MYT1: variants seen among roughly 807,000 people sequenced by gnomAD.
MYT1 encodes the protein myelin transcription factor 1.
A neutral mutation model predicts 123.0 loss-of-function variants in MYT1; 23 were observed. The ratio of observed to expected loss-of-function variants is 0.19; its 90% CI spans 0.13 to 0.26. The LOEUF is 0.26. Among genes scored for constraint, MYT1 ranks in the 10% least tolerant of loss-of-function variants. MYT1 has a pLI of 1.00. For synonymous variants in MYT1, 518 were observed against 575.3 expected, an observed-to-expected ratio of 0.90 and a Z score of 1.43; for missense variants, 1,125 against 1,472.5, an observed-to-expected ratio of 0.76 and a Z score of 3.86.
intron 2 of MYT1, among the ~76,000 whole-genome samples, chr20:64,194,743 G>A (rs971354660): frequency 2.6e-5 from 4 of 152,174 alleles, no homozygotes; most frequent in African/African-American, 7.2e-5. Flanking sequence ...GTGGGGAGAC[G>A]CAGCCTCTGG....
Position 64,218,775 on chromosome 20 carries a change from C to T in MYT1, c.1847-136C>T. 8.9e-7 allele frequency: 1 copy of T among 1,128,152 alleles called. No homozygotes were observed. Among genetic ancestry groups the T allele is most frequent in the Admixed American group, 1.7e-5 (1 of 57,784 alleles). 69.9% of individuals were successfully genotyped at this position (1,128,152 alleles called of 1,614,324 possible). A position where few individuals can be genotyped will look rare whatever the true frequency, so the allele number is the denominator to read the frequency against. ...TGCCCCCTCCCCACTGACTTGTCTG[C>T]ATTGCTGCCTCTTTTCAAGTTGTAT... On this transcript the variant is annotated intron_variant, in intron 11 of 22. Coordinates refer to ENST00000328439, the MANE Select transcript of MYT1 (RefSeq NM_004535.3). This position sits in a 1 kb window ranked among gnomAD's most constrained non-coding sequence, Gnocchi z 4.0.
At chr20:64,219,644 T>A in intron 12 of MYT1, 69 bp from the exon 13 acceptor site, 1 of 1,380,258 alleles carries the variant, frequency 7.2e-7, no homozygotes, top group Non-Finnish European at 1.0e-6. Flanking sequence ...TACGTTTGAT[T>A]CAAATGGACC....
At chr20:64,205,918 G>C in intron 6 of MYT1, 118 bp downstream of exon 6, 1 of 1,474,824 alleles carries the variant, frequency 6.8e-7, no homozygotes, top group East Asian at 2.4e-5. Flanking sequence ...CTGAGAACAA[G>C]GCATGTCTTG....
chr20:64,197,453 C>G (rs1983156293), intron 2 of MYT1, among the ~76,000 whole-genome samples: 1 of 152,318 alleles, frequency 6.6e-6, no homozygotes, highest in Non-Finnish European at 1.5e-5. Flanking sequence ...CTACTTCTTT[C>G]CACTCCCCTG....
Position 64,207,999 on chromosome 20 carries a change from AAGAG to A in MYT1, c.804_807del (p.Glu269ArgfsTer42), listed in dbSNP as rs753734752. ...GAGGACGAGGAGGAGGAGGAGGAGGAAGAGGAGGAGGAGGAGGATGAAGAAGAGG... is the reference window on the plus strand; with the variant it reads ...GAGGACGAGGAGGAGGAGGAGGAGGAGAGGAGGAGGAGGATGAAGAAGAGG... On this transcript the variant is annotated frameshift_variant, in exon 7 of 23. Transcript: ENST00000328439. LOFTEE classifies it high-confidence loss of function. 14 of 1,594,614 alleles carry A rather than the reference AAGAG, an allele frequency of 8.8e-6. No homozygotes were observed. Among genetic ancestry groups the A allele is most frequent in the South Asian group, 4.5e-5 (4 of 88,084 alleles).
rs1009210373 is a variant in MYT1 at position 64,186,258 on chromosome 20, A to C, written c.-98-3805A>C. ...GTGCAAAGATGCCGGGTCCCTAGAG[A>C]GGGGTCCCAGCCAGCGCCGCCCTCT... On this transcript the variant is annotated intron_variant, in intron 1 of 22. Coordinates refer to ENST00000328439, the MANE Select transcript of MYT1 (RefSeq NM_004535.3). The surrounding 1 kb of genome is among the most constrained non-coding windows in gnomAD (Gnocchi z 4.3). Among the ~76,000 whole-genome samples, 10 of 152,094 alleles carry C rather than the reference A, an allele frequency of 6.6e-5. No homozygotes were observed. Among genetic ancestry groups the C allele is most frequent in the Non-Finnish European group, 1.5e-4 (10 of 67,998 alleles).
At chr20:64,223,069 ACACAC>A in intron 14 of MYT1, 37 bp from the exon 15 acceptor site, 1 of 1,611,664 alleles carries the variant, frequency 6.2e-7, no homozygotes, top group Non-Finnish European at 8.5e-7. Context: ...GGGGGCAGGT[ACACAC>A]CACTCTCCGG....
intron 19 of MYT1, among the ~76,000 whole-genome samples, chr20:64,233,613 C>G (rs1413990135): frequency 1.3e-5 from 2 of 149,900 alleles, no homozygotes; most frequent in Non-Finnish European, 3.0e-5. Context: ...GACAACTACC[C>G]CTTATCCTTG....
chr20:64,171,673 G>A (rs928181196), intron 1 of MYT1, among the ~76,000 whole-genome samples: 5 of 145,778 alleles, frequency 3.4e-5, no homozygotes, highest in Non-Finnish European at 1.5e-5. Flanking sequence ...TCTGGCATCT[G>A]GAGGAACCCA....
chr20:64,223,063 G>GC, intron 14 of MYT1, 48 bp from the exon 15 acceptor site: 1 of 1,606,598 alleles, frequency 6.2e-7, no homozygotes. Flanking sequence ...AGCCTGGGGG[G>GC]CAGGTACACA....
intron 22 of MYT1, 60 bp from the exon 23 acceptor site, chr20:64,240,260 G>C (rs896684062): frequency 1.3e-6 from 2 of 1,586,520 alleles, no homozygotes; most frequent in South Asian, 1.2e-5. Context: ...CCCACATCAG[G>C]CTCTGCGGTG....
rs966569756 is a variant in MYT1 at position 64,240,996 on chromosome 20, G to A, written c.*548G>A. 6.5e-6 allele frequency: 1 copy of A among 153,068 alleles called. No homozygotes were observed. Among genetic ancestry groups the A allele is most frequent in the Non-Finnish European group, 1.5e-5 (1 of 68,576 alleles). 9.5% of individuals were successfully genotyped at this position (153,068 alleles called of 1,614,324 possible). On this transcript the variant is annotated 3_prime_UTR_variant, in exon 23 of 23. Coordinates refer to ENST00000328439, the MANE Select transcript of MYT1 (RefSeq NM_004535.3). ...GTTCTAGAGGGAAAGTTAGGAATAG[G>A]CCTCCCAGAGGATACTCCAGACAGT...
chr20:64,212,908 T>C lies in MYT1; in HGVS notation c.1518-626T>C, dbSNP rs1353041371. Among the ~76,000 whole-genome samples the C allele has an allele frequency of 1.3e-5, 2 of 152,204 alleles. No homozygotes were observed. The highest frequency in any genetic ancestry group is 1.3e-4 in the Admixed American group (2 of 15,288). On this transcript the variant is annotated intron_variant, in intron 9 of 22. Transcript: ENST00000328439. The surrounding 1 kb of genome is among the most constrained non-coding windows in gnomAD (Gnocchi z 6.8). ...TCAGCTGAAAGGACTGCCAGAGCTTTTGAGGTCACTTCATTTGAAAAGAGG... is the reference window on the plus strand; with the variant it reads ...TCAGCTGAAAGGACTGCCAGAGCTTCTGAGGTCACTTCATTTGAAAAGAGG...
In MYT1 at chr20:64,207,870, T is replaced by C; in HGVS notation, c.674T>C (p.Val225Ala). Residue 225 changes from valine to alanine, a missense_variant, in exon 7 of 23, where the codon GTC becomes GCC. By Grantham distance (64) the Val-to-Ala change is moderately conservative. Around this residue, in one of 4 missense-constraint regions of MYT1, gnomAD observed 406 missense variants for 432.2 expected, o/e 0.94. Coordinates refer to ENST00000328439, the MANE Select transcript of MYT1 (RefSeq NM_004535.3). ...CAGCCAGAGGATGCCGAGGAGGTCGTCGAAGTCACCACCGAGCGCTCCCAG... is the reference window on the plus strand; with the variant it reads ...CAGCCAGAGGATGCCGAGGAGGTCGCCGAAGTCACCACCGAGCGCTCCCAG... ...FIQPEDAEEV[V>A]EVTTERSQDL... 2 of 1,612,630 alleles carry C rather than the reference T, an allele frequency of 1.2e-6. No individual in the cohort carries two copies. Among genetic ancestry groups the C allele is most frequent in the East Asian group, 2.2e-5 (1 of 44,782 alleles).
At chr20:64,227,589 C>G (rs1271082366) in intron 17 of MYT1, 112 bp downstream of exon 17, 2 of 996,566 alleles carry the variant, frequency 2.0e-6, no homozygotes, top group East Asian at 2.6e-5. Context: ...CCATTCCCAT[C>G]TCTTTAATCT....
In MYT1 at chr20:64,213,306, A is replaced by G. The variant is rs367978051; in HGVS notation, c.1518-228A>G. ...TCCTTGGCATAGAATGTTCCAAAACAGAAACTGACTGGGCAGCTTGTACTG... is the reference window on the plus strand; with the variant it reads ...TCCTTGGCATAGAATGTTCCAAAACGGAAACTGACTGGGCAGCTTGTACTG... On this transcript the variant is annotated intron_variant, in intron 9 of 22. Transcript: ENST00000328439. This position sits in a 1 kb window ranked among gnomAD's most constrained non-coding sequence, Gnocchi z 5.6. 5.3e-5 allele frequency among the ~76,000 whole-genome samples: 8 copies of G among 152,228 alleles called. No individual in the cohort carries two copies. Among genetic ancestry groups the G allele is most frequent in the African/African-American group, 1.9e-4 (8 of 41,452 alleles).
Position 64,166,259 on chromosome 20 carries a change from C to T in MYT1, c.-99+1520C>T, listed in dbSNP as rs1982079825. Among the ~76,000 whole-genome samples, 1 of 152,162 alleles carries T rather than the reference C, an allele frequency of 6.6e-6. No individual in the cohort carries two copies. The highest frequency in any genetic ancestry group is 1.5e-5 in the Non-Finnish European group (1 of 68,028). On this transcript the variant is annotated intron_variant, in intron 1 of 22. Transcript: ENST00000328439. This position sits in a 1 kb window ranked among gnomAD's most constrained non-coding sequence, Gnocchi z 4.9. ...TGCCCTGTCTCCCTCGGTAGCTGTT[C>T]CTTGTGCAGAGGAGGCTGGGTCAGG... is the stretch of plus-strand genomic sequence containing the variant.
At chr20:64,171,431 C>T (rs1324192461) in intron 1 of MYT1, among the ~76,000 whole-genome samples, 1 of 152,244 alleles carries the variant, frequency 6.6e-6, no homozygotes, top group African/African-American at 2.4e-5. Context: ...CTGGGCCCTG[C>T]ACCTCTTCCC....
At position 64,231,616 on chromosome 20, in the gene MYT1, G is replaced by T. The variant is rs1470847116; in HGVS notation, c.2676-548G>T. On this transcript the variant is annotated intron_variant, in intron 18 of 22. Transcript: ENST00000328439. This position sits in a 1 kb window ranked among gnomAD's most constrained non-coding sequence, Gnocchi z 6.4. ...TGGTGGCAAAGCTGCAACATCTATG[G>T]GCATTGCCCCCTGATTGCACTGGCC... is the stretch of plus-strand genomic sequence containing the variant. 6.6e-6 allele frequency among the ~76,000 whole-genome samples: 1 copy of T among 152,160 alleles called. No homozygotes were observed. Among genetic ancestry groups the T allele is most frequent in the African/African-American group, 2.4e-5 (1 of 41,438 alleles).
Sources: gnomAD v4.1 joint callset for allele counts (sites outside exome capture counted in the v4.1 genomes callset) on GRCh38, gnomAD v4.1.1 for gene constraint, gnomAD v4.1.1 regional missense constraint, Gnocchi (gnomAD v3.1) non-coding constraint, MANE v1.5 for transcripts, NCBI Gene and HGNC (gene_info 2026-07-23, HGNC 2026-07-21) for gene names.